Variants in TP63 observed in about 807,000 individuals in gnomAD.
The protein encoded by TP63 is tumor protein p63, also known as tumor protein 63.
TP63 carries 17 observed loss-of-function variants against 82.8 expected under a neutral mutation model. The observed-to-expected ratio is 0.21, with a 90% CI of 0.14 to 0.31. The LOEUF is 0.31. Among genes scored for constraint, TP63 ranks in the 10% least tolerant of loss-of-function variants. The probability of loss-of-function intolerance (pLI) is 1.00; values close to 1 mark genes in which losing one functional copy is unlikely to be tolerated. For synonymous variants in TP63, 330 were observed against 321.7 expected (o/e 1.03, Z -0.28); for missense variants, 648 against 895.3 (o/e 0.72, Z 3.52).
At chr3:189,851,802 A>C (rs907509262) in intron 4 of TP63, among the ~76,000 whole-genome samples, 1 of 152,090 alleles carries the variant, frequency 6.6e-6, no homozygotes, top group South Asian at 2.1e-4. Context: ...GAAAGTCCCA[A>C]GGCCACCCCG....
chr3:189,795,779 G>C (rs1002971125), intron 3 of TP63, among the ~76,000 whole-genome samples: 1 of 152,002 alleles, frequency 6.6e-6, no homozygotes, highest in Non-Finnish European at 1.5e-5. Flanking sequence ...CAGAATTCGA[G>C]ATTCAAAACT....
intron 1 of TP63, among the ~76,000 whole-genome samples, chr3:189,716,436 C>T (rs1718966110): frequency 6.6e-6 from 1 of 151,984 alleles, no homozygotes; most frequent in Non-Finnish European, 1.5e-5. Context: ...TTTAAAAAGC[C>T]CTGGAAATGC....
chr3:189,631,311 G>A, upstream of TP63: 9 of 1,390,794 alleles, frequency 6.5e-6, no homozygotes, highest in Non-Finnish European at 8.4e-6. Flanking sequence ...TTAGTCAATT[G>A]ATGAATCTCA....
intron 4 of TP63, among the ~76,000 whole-genome samples, chr3:189,857,123 T>G (rs1716390096): frequency 6.6e-6 from 1 of 152,106 alleles, no homozygotes; most frequent in South Asian, 2.1e-4. Context: ...ATTTCAAGAC[T>G]TACTATAAAG....
intron 3 of TP63, among the ~76,000 whole-genome samples, chr3:189,755,104 G>C (rs1722093390): frequency 6.6e-6 from 1 of 152,050 alleles, no homozygotes; most frequent in Non-Finnish European, 1.5e-5. Context: ...TTCCTCATTT[G>C]TATAGATAAA....
At chr3:189,706,861 T>C (rs1718240870) in intron 1 of TP63, among the ~76,000 whole-genome samples, 1 of 152,118 alleles carries the variant, frequency 6.6e-6, no homozygotes, top group Admixed American at 6.5e-5. Flanking sequence ...GATACTTCAA[T>C]GGAGAGTCCA....
chr3:189,785,419 G>C (rs187841678), intron 3 of TP63, among the ~76,000 whole-genome samples: 480 of 152,176 alleles, frequency 3.2e-3, no homozygotes, highest in Middle Eastern at 0.014. Flanking sequence ...TTGTTGAGGA[G>C]AGCGTTAAGT....
Position 189,652,255 on chromosome 3 carries a change from TG to T in TP63, c.62+20679del, listed in dbSNP as rs1712958941. On this transcript the variant is annotated intron_variant, in intron 1 of 13. Transcript: ENST00000264731. ...ACCCTGCAAAGCCACAAGGTGGAGC[TG>T]TCCAAATCCATGGGAGCCCACCTCT... Among the ~76,000 whole-genome samples, 2 of 147,022 alleles carry T rather than the reference TG, an allele frequency of 1.4e-5. 1 individual carries two copies. The highest frequency in any genetic ancestry group is 3.0e-5 in the Non-Finnish European group (2 of 67,296).
At chr3:189,657,248 T>C (rs1269944785) in intron 1 of TP63, among the ~76,000 whole-genome samples, 1 of 152,040 alleles carries the variant, frequency 6.6e-6, no homozygotes, top group African/African-American at 2.4e-5. Flanking sequence ...CTATTCTGTA[T>C]AATACTGCAG....
chr3:189,634,970 CTTT>C (rs1480639445), intron 1 of TP63, among the ~76,000 whole-genome samples: 1 of 151,652 alleles, frequency 6.6e-6, no homozygotes, highest in Non-Finnish European at 1.5e-5. Flanking sequence ...TAACAAAGTA[CTTT>C]TAATAGATTA....
chr3:189,703,883 C>A (rs1007444748), intron 1 of TP63, among the ~76,000 whole-genome samples: 1 of 152,218 alleles, frequency 6.6e-6, no homozygotes, highest in African/African-American at 2.4e-5. Context: ...CCACACTCTA[C>A]ACAACCTCAA....
intron 3 of TP63, among the ~76,000 whole-genome samples, chr3:189,788,012 G>T (rs1240600254): frequency 6.6e-6 from 1 of 151,662 alleles, no homozygotes; most frequent in Non-Finnish European, 1.5e-5. Context: ...TTCTACTGTT[G>T]ACTCTTAAGC....
chr3:189,737,761 T>C lies in TP63; in HGVS notation c.84T>C (p.His28=), dbSNP rs370716448. ...YIQRFVETPA[H]FSWKESYYRS... is the part of the protein sequence containing the mutation. ...TAAGTTTCGTAGAAACCCCAGCTCA[T>C]TTCTCTTGGAAAGAAAGTTATTACC... Residue 28 remains histidine (H), a synonymous_variant, in exon 2 of 14, where the codon CAT becomes CAC. Coordinates refer to ENST00000264731, the MANE Select transcript of TP63 (RefSeq NM_003722.5). 1 of 1,613,982 alleles carries C rather than the reference T, an allele frequency of 6.2e-7. No homozygotes were observed. The highest frequency in any genetic ancestry group is 8.5e-7 in the Non-Finnish European group (1 of 1,179,874).
At chr3:189,826,331 C>T (rs1729345754) in intron 4 of TP63, among the ~76,000 whole-genome samples, 1 of 152,136 alleles carries the variant, frequency 6.6e-6, no homozygotes, top group South Asian at 2.1e-4. Context: ...TAGTCCACAT[C>T]CAGAAATTTA....
At chr3:189,881,568 C>T (rs1038474879) in intron 10 of TP63, 385 of 963,146 alleles carry the variant, frequency 4.0e-4, no homozygotes, top group Non-Finnish European at 4.4e-4. Context: ...CATGTAAGTG[C>T]TTGAAGTAGC....
rs1720524730 is a variant in TP63 at position 189,887,076 on chromosome 3, G to T, written c.1507+525G>T. Among the ~76,000 whole-genome samples the T allele has an allele frequency of 2.0e-5, 3 of 151,942 alleles. No homozygotes were observed. The South Asian group carries it at 6.2e-4, about 32-fold the overall frequency. ...ATACAAAAGTTAGCTGAGCCTGGTGGTGCATGCCTGTAATCCCAGCTACTC... is the reference window on the plus strand; with the variant it reads ...ATACAAAAGTTAGCTGAGCCTGGTGTTGCATGCCTGTAATCCCAGCTACTC... On this transcript the variant is annotated intron_variant, in intron 11 of 13. Coordinates refer to ENST00000264731, the MANE Select transcript of TP63 (RefSeq NM_003722.5).
intron 1 of TP63, among the ~76,000 whole-genome samples, chr3:189,725,866 C>G (rs1719738832): frequency 1.3e-5 from 2 of 152,210 alleles, no homozygotes; most frequent in South Asian, 4.1e-4. Context: ...TCAACCTGAC[C>G]AACATGGTGA....
upstream of TP63, among the ~76,000 whole-genome samples, chr3:189,628,671 A>G (rs1255883520): frequency 5.3e-5 from 8 of 152,180 alleles, no homozygotes; most frequent in African/African-American, 7.2e-5. Flanking sequence ...AAAAGACTCT[A>G]AAGTCTTGGA....
the TP63 span, among the ~76,000 whole-genome samples, chr3:189,611,791 C>T: frequency 6.6e-6 from 1 of 152,246 alleles, no homozygotes; most frequent in East Asian, 1.9e-4. Context: ...TTTCTGTCAT[C>T]TCTGATTTCT....
Sources: allele counts gnomAD v4.1 joint callset (sites outside exome capture counted in the v4.1 genomes callset), GRCh38; gene constraint gnomAD v4.1.1; transcripts MANE v1.5; gene names NCBI Gene and HGNC (gene_info 2026-07-23, HGNC 2026-07-21).